CPA6: variants seen among roughly 807,000 people sequenced by gnomAD.
CPA6 encodes the protein carboxypeptidase B.
A neutral mutation model predicts 63.3 loss-of-function variants in CPA6; 58 were observed. The observed-to-expected ratio is 0.92, with a 90% CI of 0.74 to 1.14. The LOEUF (loss-of-function observed/expected upper bound fraction) is 1.14. Ranked by LOEUF, CPA6 falls within the 50% of genes most tolerant of loss-of-function variation. The probability of loss-of-function intolerance (pLI) is 0.00; values close to 1 mark genes in which losing one functional copy is unlikely to be tolerated. For missense variants in CPA6, 565 were observed against 526.6 expected (o/e 1.07, Z -0.71); for synonymous variants, 185 against 179.0 (o/e 1.03, Z -0.27).
chr8:67,502,591 C>T (rs531187862), intron 6 of CPA6, among the ~76,000 whole-genome samples: 13 of 152,110 alleles, frequency 8.5e-5, no homozygotes, highest in African/African-American at 2.9e-4. Context: ...TGAGACTTTT[C>T]GTCTTTTCTA....
chr8:67,516,839 C>T (rs984689351), intron 3 of CPA6, among the ~76,000 whole-genome samples: 1 of 152,106 alleles, frequency 6.6e-6, no homozygotes, highest in African/African-American at 2.4e-5. Flanking sequence ...CTCTGTTACC[C>T]AGGCTGGAGT....
chr8:67,556,989 G>A (rs536521012), intron 2 of CPA6, among the ~76,000 whole-genome samples: 21 of 152,324 alleles, frequency 1.4e-4, no homozygotes, highest in Non-Finnish European at 2.1e-4. Flanking sequence ...ACCTTGCCAT[G>A]GTTGGGGGAG....
chr8:67,443,779 A>C (rs1040698389), intron 8 of CPA6, among the ~76,000 whole-genome samples: 1 of 152,156 alleles, frequency 6.6e-6, no homozygotes, highest in Non-Finnish European at 1.5e-5. Context: ...AATCAGGGAG[A>C]CCAAATCAAG....
chr8:67,550,697 T>A (rs1812920050), intron 2 of CPA6, among the ~76,000 whole-genome samples: 1 of 152,064 alleles, frequency 6.6e-6, no homozygotes. Flanking sequence ...CTTGGCAGCA[T>A]CTTGTTATTT....
At chr8:67,441,641 C>A (rs1414837824) in intron 8 of CPA6, among the ~76,000 whole-genome samples, 1 of 151,776 alleles carries the variant, frequency 6.6e-6, no homozygotes, top group Admixed American at 6.6e-5. Flanking sequence ...ACTAGTAGAC[C>A]AATGGAACAG....
At chr8:67,492,736 C>T (rs766911417) in intron 6 of CPA6, among the ~76,000 whole-genome samples, 1 of 152,144 alleles carries the variant, frequency 6.6e-6, no homozygotes, top group Non-Finnish European at 1.5e-5. Context: ...GGAAAGCAAG[C>T]ATTGTCTGTC....
chr8:67,436,906 T>C (rs1239253764), intron 8 of CPA6, among the ~76,000 whole-genome samples: 1 of 152,220 alleles, frequency 6.6e-6, no homozygotes, highest in African/African-American at 2.4e-5. Context: ...TGATGTAGCC[T>C]AATTCTACTG....
chr8:67,688,974 G>GTTA (rs548820087), intron 1 of CPA6, among the ~76,000 whole-genome samples: 2 of 134,560 alleles, frequency 1.5e-5, no homozygotes, highest in Non-Finnish European at 3.1e-5. Context: ...TCCTATTATT[G>GTTA]TTATTATTAT....
chr8:67,439,605 A>C (rs1810243762), intron 8 of CPA6, among the ~76,000 whole-genome samples: 1 of 151,870 alleles, frequency 6.6e-6, no homozygotes, highest in African/African-American at 2.4e-5. Flanking sequence ...AAAAAAAGAA[A>C]GAAAAAGAAA....
chr8:67,507,253 G>A (rs900609849), intron 5 of CPA6, among the ~76,000 whole-genome samples: 1 of 151,864 alleles, frequency 6.6e-6, no homozygotes, highest in Admixed American at 6.6e-5. Flanking sequence ...AATCCTGCTG[G>A]CTCAGCCTGC....
intron 1 of CPA6, among the ~76,000 whole-genome samples, chr8:67,726,738 A>G (rs1350445422): frequency 1.3e-5 from 2 of 152,238 alleles, no homozygotes; most frequent in African/African-American, 4.8e-5. Flanking sequence ...AGGTTCTGGC[A>G]TTATTCTAAG....
intron 1 of CPA6, among the ~76,000 whole-genome samples, chr8:67,736,434 C>G (rs1273188986): frequency 6.6e-6 from 1 of 152,198 alleles, no homozygotes; most frequent in Non-Finnish European, 1.5e-5. Flanking sequence ...ACCAAAAGCA[C>G]CTTTGATGAT....
intron 1 of CPA6, among the ~76,000 whole-genome samples, chr8:67,685,918 G>A (rs1489121471): frequency 3.3e-5 from 5 of 152,032 alleles, no homozygotes; most frequent in Non-Finnish European, 7.4e-5. Flanking sequence ...GACTGGAGAG[G>A]GCTTCCCCAA....
chr8:67,499,982 A>G (rs1007821297), intron 6 of CPA6, among the ~76,000 whole-genome samples: 9 of 152,162 alleles, frequency 5.9e-5, no homozygotes, highest in Admixed American at 3.3e-4. Flanking sequence ...TTGAGCAAAC[A>G]TAAGTCTTAA....
Position 67,422,533 on chromosome 8 carries a change from T to G in CPA6, c.1285A>C (p.Thr429Pro). ...TETMLAVKNI[T>P]MHLLKKCP ...GGACATTTCTTTAGCAGGTGCATTG[T>G]GATATTTTTCACAGCCAGCATAGTT... Residue 429 changes from threonine to proline, a missense_variant, in exon 11 of 11, where the codon ACA becomes CCA. Transcript: ENST00000297770. 1 of 1,614,118 alleles carries G rather than the reference T, an allele frequency of 6.2e-7. No homozygotes were observed. The highest frequency in any genetic ancestry group is 1.1e-5 in the South Asian group (1 of 91,076).
chr8:67,680,831 T>C (rs1475639275), intron 1 of CPA6, among the ~76,000 whole-genome samples: 1 of 152,232 alleles, frequency 6.6e-6, no homozygotes, highest in Non-Finnish European at 1.5e-5. Flanking sequence ...TTACCTTTTA[T>C]TCTCATTGTT....
At chr8:67,729,270 T>C (rs1817661780) in intron 1 of CPA6, among the ~76,000 whole-genome samples, 2 of 152,214 alleles carry the variant, frequency 1.3e-5, no homozygotes, top group African/African-American at 4.8e-5. Flanking sequence ...AGAGCTTTGA[T>C]GATATGTTAA....
At chr8:67,719,734 T>C (rs1264611316) in intron 1 of CPA6, among the ~76,000 whole-genome samples, 1 of 151,986 alleles carries the variant, frequency 6.6e-6, no homozygotes, top group Non-Finnish European at 1.5e-5. Context: ...GAAGAAATTG[T>C]GACAGGAGCG....
chr8:67,431,808 G>A (rs906934581), intron 9 of CPA6, among the ~76,000 whole-genome samples: 1 of 152,028 alleles, frequency 6.6e-6, no homozygotes, highest in Non-Finnish European at 1.5e-5. Context: ...AGAATTCTTG[G>A]AATGCCAAGA....
Sources: gnomAD v4.1 joint callset for allele counts (sites outside exome capture counted in the v4.1 genomes callset) on GRCh38, gnomAD v4.1.1 for gene constraint, MANE v1.5 for transcripts, NCBI Gene and HGNC (gene_info 2026-07-23, HGNC 2026-07-21) for gene names.